The following KDM5A variants were observed in gnomAD, a reference collection of about 807,000 sequenced individuals.
KDM5A encodes lysine-specific demethylase 5A.
KDM5A carries 42 observed loss-of-function variants against 193.5 expected under a neutral mutation model. That is an observed-to-expected ratio of 0.22 (90% CI 0.17 to 0.28). KDM5A has a LOEUF of 0.28. Ranked by LOEUF, KDM5A falls within the 10% of genes least tolerant of loss-of-function variation. The pLI, the probability that KDM5A is intolerant of heterozygous loss-of-function variation, is 1.00. For synonymous variants in KDM5A, 796 were observed against 718.1 expected, an observed-to-expected ratio of 1.11 and a Z score of -1.73; for missense variants, 1,692 against 2,055.1, an observed-to-expected ratio of 0.82 and a Z score of 3.42.
intron 3 of KDM5A, among the ~76,000 whole-genome samples, chr12:382,529 CA>C (rs1944586739): frequency 6.6e-6 from 1 of 151,306 alleles, no homozygotes; most frequent in Non-Finnish European, 1.5e-5. Context: ...ATTTTTATTT[CA>C]AAATAGTATA....
chr12:323,194 T>C lies in KDM5A; in HGVS notation c.2163A>G (p.Pro721=), dbSNP rs760276796. 3.2e-6 allele frequency: 3 copies of C among 926,676 alleles called. No individual in the cohort carries two copies. The highest frequency in any genetic ancestry group is 3.1e-6 in the Non-Finnish European group (2 of 642,594). The allele number at this position is 926,676 out of a possible 1,614,324, so 57.4% of individuals were successfully genotyped here. The part of the protein sequence containing the change: ...MQKKCLRYRY[P]LEDLPSLLYG... ...ATAGCAGAGAAGGGAGGTCTTCTAA[T>C]GGGTAGCGATATCTACAAAAAAAAA... is the stretch of plus-strand genomic sequence containing the variant. Residue 721 remains proline, a synonymous_variant, in exon 16 of 28, where the codon CCA becomes CCG. Coordinates refer to ENST00000399788, the MANE Select transcript of KDM5A (RefSeq NM_001042603.3).
intron 18 of KDM5A, 110 bp downstream of exon 18, chr12:320,884 GA>G (rs897081968): frequency 1.2e-3 from 849 of 735,220 alleles, no homozygotes; most frequent in Non-Finnish European, 1.3e-3. Context: ...ATATGTGAGA[GA>G]AAAAAAAAAT....
At chr12:354,257 A>C (rs559115499) in intron 7 of KDM5A, 23 bp from the exon 8 acceptor site, 13 of 1,526,002 alleles carry the variant, frequency 8.5e-6, no homozygotes, top group Middle Eastern at 1.7e-4. Flanking sequence ...AAATAAATGA[A>C]AGTCTATTTT....
In KDM5A at chr12:309,887, T is replaced by C. The variant is rs1309919052; in HGVS notation, c.3294A>G (p.Glu1098=). 2 of 1,613,618 alleles carry C rather than the reference T, an allele frequency of 1.2e-6. No homozygotes were observed. The highest frequency in any genetic ancestry group is 2.7e-5 in the African/African-American group (2 of 74,896). The part of the protein sequence containing the change: ...NRRKKVKELI[E]KEKEKDLDLE... ...GGTCCAGATCCTTTTCTTTTTCTTT[T>C]TCTATTAGTTCTTTTACTTTTTTCC... Residue 1098 remains glutamate (E), a synonymous_variant, in exon 22 of 28, where the codon GAA becomes GAG. Coordinates refer to ENST00000399788, the MANE Select transcript of KDM5A (RefSeq NM_001042603.3).
chr12:292,742 A>C lies in KDM5A; in HGVS notation c.4866+17T>G, dbSNP rs772656004. On this transcript the variant is annotated intron_variant, in intron 27 of 27. Coordinates refer to ENST00000399788, the MANE Select transcript of KDM5A (RefSeq NM_001042603.3). ...TCCTTGACCTCTCATGCTTGACTATAAACAGTTGGAACTCACCTTGTCCTT... is the reference window on the plus strand; with the variant it reads ...TCCTTGACCTCTCATGCTTGACTATCAACAGTTGGAACTCACCTTGTCCTT... 5.6e-6 allele frequency: 9 copies of C among 1,614,042 alleles called. No homozygotes were observed. The African/African-American group carries it at 1.1e-4, about 19-fold the overall frequency.
intron 4 of KDM5A, among the ~76,000 whole-genome samples, chr12:363,722 T>C (rs964320174): frequency 6.6e-6 from 1 of 152,098 alleles, no homozygotes; most frequent in African/African-American, 2.4e-5. Context: ...TTGGAAAAGA[T>C]TTCTTAAATA....
At chr12:351,145 T>A (rs1349317911) in intron 9 of KDM5A, among the ~76,000 whole-genome samples, 1 of 152,188 alleles carries the variant, frequency 6.6e-6, no homozygotes, top group Non-Finnish European at 1.5e-5. Context: ...TTTCATTTTC[T>A]TTTTGTTTTT....
intron 10 of KDM5A, among the ~76,000 whole-genome samples, chr12:349,919 G>T (rs1345630516): frequency 6.7e-6 from 1 of 148,670 alleles, no homozygotes; most frequent in East Asian, 2.1e-4. Context: ...ACCTGAGGTC[G>T]GGAGTTCGAG....
Position 297,148 on chromosome 12 carries a change from T to C in KDM5A, c.4127A>G (p.Asp1376Gly). The change falls in exon 25 of 28, where the codon GAT becomes GGT. Residue 1376 changes from aspartate to glycine, a missense_variant. By Grantham distance (94) the Asp-to-Gly change is moderately conservative (BLOSUM62 -1). Around this residue, in one of 11 missense-constraint regions of KDM5A, gnomAD observed 965 missense variants for 1,061.0 expected, o/e 0.91. Coordinates refer to ENST00000399788, the MANE Select transcript of KDM5A (RefSeq NM_001042603.3). ...SSSLEPNLFC[D>G]EEIPIKSEEV... is the part of the protein sequence containing the mutation. Reference sequence around the variant, plus strand: ...CTCGGATTTGATGGGAATCTCTTCATCACAAAAAAGATTGGGTTCAAGACT... The same window carrying C: ...CTCGGATTTGATGGGAATCTCTTCACCACAAAAAAGATTGGGTTCAAGACT... 1.2e-6 allele frequency: 2 copies of C among 1,614,012 alleles called. No homozygotes were observed. Among genetic ancestry groups the C allele is most frequent in the Non-Finnish European group, 1.7e-6 (2 of 1,179,944 alleles).
chr12:352,400 T>G (rs1036835510), intron 8 of KDM5A, 76 bp from the exon 9 acceptor site: 12 of 1,335,480 alleles, frequency 9.0e-6, no homozygotes, highest in Non-Finnish European at 1.3e-5. Flanking sequence ...AGTTACTAAA[T>G]TCTTTGATCA....
chr12:327,373 A>G (rs1014369039), intron 14 of KDM5A, among the ~76,000 whole-genome samples: 1 of 152,204 alleles, frequency 6.6e-6, no homozygotes, highest in African/African-American at 2.4e-5. Flanking sequence ...GAGAAAAAGA[A>G]TCCCATTTTA....
At chr12:372,541 G>A (rs189138206) in intron 3 of KDM5A, among the ~76,000 whole-genome samples, 149 of 152,276 alleles carry the variant, frequency 9.8e-4, no homozygotes, top group Middle Eastern at 3.4e-3. Context: ...CTGCAAACAG[G>A]GACAACTTGA....
intron 18 of KDM5A, among the ~76,000 whole-genome samples, chr12:319,383 G>A (rs950393793): frequency 3.9e-5 from 6 of 152,172 alleles, no homozygotes; most frequent in Non-Finnish European, 8.8e-5. Flanking sequence ...TATTTTGGAG[G>A]TAATAGCAGC....
chr12:288,638 T>C (rs1336628874), intron 27 of KDM5A, among the ~76,000 whole-genome samples: 1 of 152,232 alleles, frequency 6.6e-6, no homozygotes, highest in East Asian at 1.9e-4. Context: ...GCTTACTAAT[T>C]AAACTGAGCT....
chr12:334,108 T>C (rs965358751), intron 11 of KDM5A, 133 bp downstream of exon 11: 21 of 812,812 alleles, frequency 2.6e-5, no homozygotes, highest in East Asian at 1.3e-4. Context: ...CCCAAAGAAA[T>C]AGGCCAAGGC....
At position 342,265 on chromosome 12, in the gene KDM5A, A is replaced by G. The variant is rs1413850271; in HGVS notation, c.1309-7843T>C. Among the ~76,000 whole-genome samples, 5 of 152,340 alleles carry G rather than the reference A, an allele frequency of 3.3e-5. No homozygotes were observed. The East Asian group carries it at 9.6e-4, about 29-fold the overall frequency. On this transcript the variant is annotated intron_variant, in intron 10 of 27. Coordinates refer to ENST00000399788, the MANE Select transcript of KDM5A (RefSeq NM_001042603.3). ...CAGGAGATAAATTATTGCCAATTAT[A>G]GGGGGAAAGAAAAAGTGTCAAGAAT...
At position 333,557 on chromosome 12, in the gene KDM5A, G is replaced by T; in HGVS notation, c.1583C>A (p.Ser528Tyr). Residue 528 changes from serine (S) to tyrosine (Y), a missense_variant, in exon 12 of 28, where the codon TCC (serine) becomes TAC (tyrosine). Ser to Tyr is a moderately radical substitution (Grantham distance 144, BLOSUM62 -2). Coordinates refer to ENST00000399788, the MANE Select transcript of KDM5A (RefSeq NM_001042603.3). ...MRELAPELFESQPDLLHQLVT... is the reference protein window; with the variant it reads ...MRELAPELFEYQPDLLHQLVT... ...TAACTGATGCAGAAGATCAGGCTGG[G>T]ATTCAAATAACTCGGGGGCCAGCTC... 1.2e-6 allele frequency: 2 copies of T among 1,614,170 alleles called. No individual in the cohort carries two copies. The highest frequency in any genetic ancestry group is 1.7e-6 in the Non-Finnish European group (2 of 1,180,018).
intron 3 of KDM5A, among the ~76,000 whole-genome samples, chr12:368,280 A>G (rs1242030696): frequency 6.6e-6 from 1 of 152,224 alleles, no homozygotes; most frequent in East Asian, 1.9e-4. Flanking sequence ...CTGGAACTAT[A>G]TAGTGGTGAT....
chr12:326,334 T>C (rs1056052401), intron 14 of KDM5A, among the ~76,000 whole-genome samples: 7 of 152,166 alleles, frequency 4.6e-5, no homozygotes, highest in African/African-American at 1.7e-4. Flanking sequence ...GCTGAAAGAC[T>C]TAAGACCCTT....
Sources: gnomAD v4.1 joint callset for allele counts (sites outside exome capture counted in the v4.1 genomes callset) on GRCh38, gnomAD v4.1.1 for gene constraint, gnomAD v4.1.1 regional missense constraint, MANE v1.5 for transcripts, NCBI Gene and HGNC (gene_info 2026-07-23, HGNC 2026-07-21) for gene names.